TOP2B: variants seen among roughly 807,000 people sequenced by gnomAD.
TOP2B encodes the protein DNA topoisomerase 2-beta.
In TOP2B, 51 loss-of-function variants were observed where a neutral mutation model predicts 193.5. The observed-to-expected ratio is 0.26, with a 90% CI of 0.21 to 0.33. TOP2B has a LOEUF of 0.33. Ranked by LOEUF, TOP2B falls within the 10% of genes least tolerant of loss-of-function variation. TOP2B has a pLI of 1.00. For synonymous variants in TOP2B, 634 were observed against 635.7 expected, an observed-to-expected ratio of 1.00 and a Z score of 0.04; for missense variants, 1,378 against 1,909.3, an observed-to-expected ratio of 0.72 and a Z score of 5.19.
intron 18 of TOP2B, 175 bp from the exon 19 acceptor site, chr3:25,624,978 T>G: frequency 1.7e-6 from 1 of 605,574 alleles, no homozygotes; most frequent in Non-Finnish European, 2.8e-6. Context: ...TGTTTTTTCC[T>G]AGAAAGCCAT....
At chr3:25,618,625 T>C (rs112512490) in intron 24 of TOP2B, 29 bp downstream of exon 24, 5 of 1,567,022 alleles carry the variant, frequency 3.2e-6, no homozygotes, top group Admixed American at 4.1e-5. Flanking sequence ...TTTTAACTAA[T>C]GTTCAAATTT....
At chr3:25,649,025 A>G (rs77672984) in intron 1 of TOP2B, among the ~76,000 whole-genome samples, 1,938 of 152,352 alleles carry the variant, frequency 0.013, 41 homozygotes, top group African/African-American at 0.043. Context: ...AAAGGAAAAA[A>G]TCAACAAAGA....
intron 1 of TOP2B, among the ~76,000 whole-genome samples, chr3:25,661,841 G>GC (rs1703922135): frequency 6.6e-6 from 1 of 152,128 alleles, no homozygotes; most frequent in Admixed American, 6.5e-5. Flanking sequence ...GTTAATATCA[G>GC]CAACACATGG....
intron 18 of TOP2B, among the ~76,000 whole-genome samples, 161 bp downstream of exon 18, chr3:25,626,399 C>T (rs1041238714): frequency 2.6e-5 from 4 of 151,876 alleles, no homozygotes; most frequent in Admixed American, 6.6e-5. Flanking sequence ...AAACATAAAA[C>T]AAAAGCAAAA....
intron 13 of TOP2B, 114 bp downstream of exon 13, chr3:25,629,915 G>C (rs1702910506): frequency 9.0e-7 from 1 of 1,114,924 alleles, no homozygotes; most frequent in East Asian, 2.7e-5. Flanking sequence ...TTTTCCTCCT[G>C]ATGTATAATC....
intron 33 of TOP2B, among the ~76,000 whole-genome samples, chr3:25,602,963 G>C (rs1346286850): frequency 6.6e-6 from 1 of 152,174 alleles, no homozygotes; most frequent in African/African-American, 2.4e-5. Context: ...CTAAAGGAAA[G>C]CTGAGGACTT....
intron 24 of TOP2B, 48 bp downstream of exon 24, chr3:25,618,606 T>C (rs774608019): frequency 4.8e-5 from 74 of 1,547,848 alleles, no homozygotes; most frequent in Non-Finnish European, 5.7e-5. Context: ...TAATAAAGTT[T>C]TTTTTCCATT....
At chr3:25,605,449 CTT>C (rs974881416) in intron 32 of TOP2B, among the ~76,000 whole-genome samples, 4 of 152,042 alleles carry the variant, frequency 2.6e-5, no homozygotes, top group African/African-American at 7.2e-5. Flanking sequence ...TTACACAACT[CTT>C]TTGACACACT....
rs1025102492 is a variant in TOP2B at position 25,598,933 on chromosome 3, A to C, written c.4711-456T>G. Among the ~76,000 whole-genome samples the C allele has an allele frequency of 2.0e-5, 3 of 152,282 alleles. No individual in the cohort carries two copies. In the East Asian group the frequency reaches 5.8e-4, roughly 29 times the overall value. The stretch of plus-strand genomic sequence containing the variant: ...GGACCTGAGACATAGAAGATGACTG[A>C]ATGGAAGAGGTCAATGTGGAAATCA... On this transcript the variant is annotated intron_variant, in intron 35 of 35. Transcript: ENST00000264331.
chr3:25,642,681 C>T (rs1387533371), intron 3 of TOP2B, among the ~76,000 whole-genome samples: 3 of 152,068 alleles, frequency 2.0e-5, no homozygotes, highest in Admixed American at 6.6e-5. Context: ...TTTTACAACA[C>T]CCAAATCCAG....
At chr3:25,602,265 C>T (rs954045154) in intron 33 of TOP2B, among the ~76,000 whole-genome samples, 44 of 151,764 alleles carry the variant, frequency 2.9e-4, no homozygotes, top group African/African-American at 7.2e-4. Context: ...AGTGAGGTGG[C>T]GTGTGCCTGT....
rs1157141731 is a variant in TOP2B, at chr3:25,606,054, T to G, written c.4367A>C (p.Lys1456Thr). 6.7e-7 allele frequency: 1 copy of G among 1,495,222 alleles called. No homozygotes were observed. The highest frequency in any genetic ancestry group is 9.0e-7 in the Non-Finnish European group (1 of 1,112,210). The allele number at this position is 1,495,222 out of a possible 1,614,324, so 92.6% of individuals were successfully genotyped here. A position where few individuals can be genotyped will look rare whatever the true frequency, so the allele number is the denominator to read the frequency against. Residue 1456 changes from lysine to threonine, a missense_variant, in exon 32 of 36, where the codon AAG (lysine) becomes ACG (threonine). By Grantham distance (78) the Lys-to-Thr change is moderately conservative. Around this residue, in one of 9 missense-constraint regions of TOP2B, gnomAD observed 556 missense variants for 584.2 expected, o/e 0.95. Transcript: ENST00000264331. ...NLFSFPSYSQKSEDDSAKFDS... is the reference protein window; with the variant it reads ...NLFSFPSYSQTSEDDSAKFDS... ...CTAAATGAACATACCATCTTCTGAC[T>G]TCTGAGAATATGAAGGAAATGAGAA...
In TOP2B at chr3:25,618,481, T is replaced by A. The variant is rs371050869; in HGVS notation, c.3288A>T (p.Gln1096His). The change falls in exon 25 of 36, where the codon CAA (glutamine) becomes CAT (histidine). Residue 1096 changes from glutamine to histidine, a missense_variant. By Grantham distance (24) the Gln-to-His change is conservative. Around this residue, in one of 9 missense-constraint regions of TOP2B, gnomAD observed 379 missense variants for 615.1 expected, o/e 0.62. Transcript: ENST00000264331. ...ATTCATAACCTCTCTGGACTAACAT[T>A]TGAATCAAATCTTTCTTTGACCTAT... ...IENRSKKDLI[Q>H]MLVQRGYESD... 1 of 1,612,814 alleles carries A rather than the reference T, an allele frequency of 6.2e-7. No homozygotes were observed. The highest frequency in any genetic ancestry group is 1.1e-5 in the South Asian group (1 of 90,942).
In TOP2B at chr3:25,598,111, G is replaced by GT; in HGVS notation, c.*195dup. 2.0e-6 allele frequency: 1 copy of GT among 508,158 alleles called. No individual in the cohort carries two copies. Among genetic ancestry groups the GT allele is most frequent in the Non-Finnish European group, 3.4e-6 (1 of 294,710 alleles). 31.5% of individuals were successfully genotyped at this position (508,158 alleles called of 1,614,324 possible). On this transcript the variant is annotated 3_prime_UTR_variant, in exon 36 of 36. Transcript: ENST00000264331. Reference sequence around the variant, plus strand: ...ATTCTACAAGCCAATCAGACAGTACGTGACATTTCAATGAGTAAAAAAGAG... The same window carrying GT: ...ATTCTACAAGCCAATCAGACAGTACGTTGACATTTCAATGAGTAAAAAAGAG...
chr3:25,647,518 C>G (rs957856643), intron 1 of TOP2B, among the ~76,000 whole-genome samples: 4 of 151,934 alleles, frequency 2.6e-5, no homozygotes, highest in Non-Finnish European at 5.9e-5. Flanking sequence ...AAAACCAACC[C>G]CATCACAAAG....
At position 25,622,459 on chromosome 3, in the gene TOP2B, A is replaced by AT. The variant is rs367660856; in HGVS notation, c.2727+1055dup. Among the ~76,000 whole-genome samples, 311 of 152,124 alleles carry AT rather than the reference A, an allele frequency of 2.0e-3. 4 individuals are homozygous for AT. Among genetic ancestry groups the AT allele is most frequent in the African/African-American group, 7.1e-3 (293 of 41,498 alleles). ...TTGTCTCTATATTGTGGGTTTATGG[A>AT]TTTTTTTACTCTTTGCTTACCTATA... On this transcript the variant is annotated intron_variant, in intron 21 of 35. Transcript: ENST00000264331.
chr3:25,630,949 A>G lies in TOP2B; in HGVS notation c.1267-10T>C. On this transcript the variant is annotated splice_polypyrimidine_tract_variant and intron_variant, in intron 10 of 35. Coordinates refer to ENST00000264331, the MANE Select transcript of TOP2B (RefSeq NM_001330700.2). ...TGCCACAATTAGAGGCCTAAAAATAAAAGAATAATGGTATACAAACAAGCT... is the reference window on the plus strand; with the variant it reads ...TGCCACAATTAGAGGCCTAAAAATAGAAGAATAATGGTATACAAACAAGCT... The G allele has an allele frequency of 6.3e-7, 1 of 1,580,828 alleles. No individual in the cohort carries two copies.
In TOP2B at chr3:25,606,099, CT is replaced by C. The variant is rs1293862281; in HGVS notation, c.4321del (p.Ser1441ValfsTer41). The C allele has an allele frequency of 8.6e-6, 13 of 1,503,962 alleles. No homozygotes were observed. Among genetic ancestry groups the C allele is most frequent in the South Asian group, 2.6e-5 (2 of 76,690 alleles). 93.2% of individuals were successfully genotyped at this position (1,503,962 alleles called of 1,614,324 possible). A position where few individuals can be genotyped will look rare whatever the true frequency, so the allele number is the denominator to read the frequency against. On this transcript the variant is annotated frameshift_variant, in exon 32 of 36. Transcript: ENST00000264331. LOFTEE classifies it high-confidence loss of function. ...TGAGAAGAGATTTCCAAAATCCTGA[CT>C]TTTTTTGTCATGCAAAGATTTTCTA... ...TPEKSLHDKK[S>X]QDFGNLFSFP...
At chr3:25,656,581 T>C (rs1052657676) in intron 1 of TOP2B, among the ~76,000 whole-genome samples, 1 of 152,198 alleles carries the variant, frequency 6.6e-6, no homozygotes, top group Non-Finnish European at 1.5e-5. Context: ...CTAGTTTTTA[T>C]AGAAAATTTA....
Sources: gnomAD v4.1 joint callset for allele counts (sites outside exome capture counted in the v4.1 genomes callset) on GRCh38, gnomAD v4.1.1 for gene constraint, gnomAD v4.1.1 regional missense constraint, MANE v1.5 for transcripts, NCBI Gene and HGNC (gene_info 2026-07-23, HGNC 2026-07-21) for gene names.